COPZ1: variants seen among roughly 807,000 people sequenced by gnomAD.
COPZ1 encodes the protein coatomer subunit zeta-1.
COPZ1 carries 4 observed loss-of-function variants against 31.7 expected under a neutral mutation model. The observed-to-expected ratio is 0.13, with a 90% CI of 0.06 to 0.29. The LOEUF is 0.29. Among genes scored for constraint, COPZ1 ranks in the 10% least tolerant of loss-of-function variants. The pLI is 1.00. For synonymous variants in COPZ1, 74 were observed against 79.0 expected, an observed-to-expected ratio of 0.94 and a Z score of 0.33; for missense variants, 156 against 211.5, an observed-to-expected ratio of 0.74 and a Z score of 1.63.
chr12:54,337,877 A>G (rs867994035), intron 1 of COPZ1, among the ~76,000 whole-genome samples: 4 of 152,078 alleles, frequency 2.6e-5, no homozygotes, highest in African/African-American at 7.2e-5. Flanking sequence ...GGAAGATCCA[A>G]TGTTTCTATT....
intron 1 of COPZ1, among the ~76,000 whole-genome samples, chr12:54,327,659 G>A (rs1953678711): frequency 6.6e-6 from 1 of 152,106 alleles, no homozygotes; most frequent in Non-Finnish European, 1.5e-5. Context: ...AGCACTGTAA[G>A]AGGCTGAGGC....
intron 1 of COPZ1, among the ~76,000 whole-genome samples, chr12:54,329,006 T>C (rs1245103210): frequency 6.6e-6 from 1 of 152,214 alleles, no homozygotes; most frequent in Non-Finnish European, 1.5e-5. Context: ...CATTTCTTTC[T>C]TGAATTAAGT....
chr12:54,348,878 A>G (rs557783861), intron 7 of COPZ1, among the ~76,000 whole-genome samples: 67 of 152,346 alleles, frequency 4.4e-4, no homozygotes, highest in African/African-American at 1.5e-3. Flanking sequence ...TGAGTTAACC[A>G]TAGAAGGCCC....
chr12:54,335,697 G>A (rs370958360), intron 1 of COPZ1, among the ~76,000 whole-genome samples: 2 of 148,508 alleles, frequency 1.3e-5, no homozygotes, highest in East Asian at 2.0e-4. Context: ...TTTTTGAGGC[G>A]GTCTCACTCT....
intron 1 of COPZ1, among the ~76,000 whole-genome samples, chr12:54,334,163 G>T (rs1953811580): frequency 6.6e-6 from 1 of 151,948 alleles, no homozygotes; most frequent in South Asian, 2.1e-4. Context: ...GGAGGTCAAG[G>T]TGGGCAGATC....
intron 1 of COPZ1, among the ~76,000 whole-genome samples, chr12:54,330,962 C>G (rs1953739566): frequency 6.6e-6 from 1 of 152,148 alleles, no homozygotes; most frequent in African/African-American, 2.4e-5. Flanking sequence ...GGCCCTCTCA[C>G]ATTCTGTCCC....
At chr12:54,331,324 G>GC (rs1953750216) in intron 1 of COPZ1, among the ~76,000 whole-genome samples, 1 of 151,816 alleles carries the variant, frequency 6.6e-6, no homozygotes, top group South Asian at 2.1e-4. Context: ...GGGATTACAG[G>GC]CCCCCACCAC....
intron 1 of COPZ1, chr12:54,325,820 T>TC: frequency 6.6e-6 from 1 of 150,458 alleles, no homozygotes; most frequent in East Asian, 1.9e-4. Flanking sequence ...TTCTTTTTTT[T>TC]TTTTTTTTTT....
At chr12:54,329,515 C>T (rs1301070056) in intron 1 of COPZ1, among the ~76,000 whole-genome samples, 3 of 152,012 alleles carry the variant, frequency 2.0e-5, no homozygotes, top group African/African-American at 7.2e-5. Flanking sequence ...ACCTGGGAGG[C>T]GGAGGTTGCA....
chr12:54,341,707 A>G (rs1406076775), intron 2 of COPZ1, among the ~76,000 whole-genome samples: 1 of 152,212 alleles, frequency 6.6e-6, no homozygotes, highest in African/African-American at 2.4e-5. Flanking sequence ...AGCTTGCAGA[A>G]AAGAAAGCTA....
chr12:54,341,823 T>C (rs1165333070), intron 2 of COPZ1, among the ~76,000 whole-genome samples: 2 of 152,182 alleles, frequency 1.3e-5, no homozygotes, highest in Non-Finnish European at 2.9e-5. Flanking sequence ...AAGTGTTCTG[T>C]GCTTCTAGTG....
At position 54,342,297 on chromosome 12, in the gene COPZ1, T is replaced by C. The variant is rs375136435; in HGVS notation, c.169+10T>C. 8.8e-5 allele frequency: 142 copies of C among 1,607,774 alleles called. No individual in the cohort carries two copies. In the African/African-American group the frequency reaches 1.8e-3, roughly 20 times the overall value. ...ACCCATCGGACTGACAGTAGGTCAT[T>C]TTCCTTTCACTACTACCCGTGCTGG... is the stretch of plus-strand genomic sequence containing the variant. On this transcript the variant is annotated intron_variant, in intron 3 of 8. Coordinates refer to ENST00000262061, the MANE Select transcript of COPZ1 (RefSeq NM_016057.3).
intron 5 of COPZ1, 98 bp from the exon 6 acceptor site, chr12:54,347,669 G>A (rs1002764246): frequency 1.9e-5 from 20 of 1,028,126 alleles, no homozygotes; most frequent in Admixed American, 2.8e-5. Flanking sequence ...TGGTGGAGAT[G>A]TTTATTGGTC....
At chr12:54,342,968 C>T (rs1954001026) in intron 3 of COPZ1, among the ~76,000 whole-genome samples, 2 of 151,150 alleles carry the variant, frequency 1.3e-5, no homozygotes. Flanking sequence ...GTGGTTCTCC[C>T]ATCTCACCCT....
intron 1 of COPZ1, among the ~76,000 whole-genome samples, chr12:54,327,130 G>A (rs568948686): frequency 1.3e-5 from 2 of 150,370 alleles, no homozygotes; most frequent in East Asian, 3.9e-4. Context: ...ACAGGCACGC[G>A]CCACCATGCC....
intron 1 of COPZ1, among the ~76,000 whole-genome samples, chr12:54,335,412 G>T (rs1231867355): frequency 3.5e-5 from 5 of 142,646 alleles, no homozygotes; most frequent in South Asian, 2.2e-4. Context: ...CTTAGGGAAT[G>T]TTTTTTTTTT....
rs60827109 is a variant in COPZ1 at position 54,326,961 on chromosome 12, C to CTTTTTTTTTT, written c.18+1808_18+1817dup. 2.0e-3 allele frequency among the ~76,000 whole-genome samples: 85 copies of CTTTTTTTTTT among 43,560 alleles called. 30 individuals carry two copies. Among genetic ancestry groups the CTTTTTTTTTT allele is most frequent in the Non-Finnish European group, 2.4e-3 (54 of 22,526 alleles). The allele number at this position is 43,560 out of a possible 152,430, so 28.6% of individuals were successfully genotyped here. A position where few individuals can be genotyped will look rare whatever the true frequency, so the allele number is the denominator to read the frequency against. On this transcript the variant is annotated intron_variant, in intron 1 of 8. Coordinates refer to ENST00000262061, the MANE Select transcript of COPZ1 (RefSeq NM_016057.3). ...CTGTACCAAGCAGTTAACAAGTATT[C>CTTTTTTTTTT]TTTTTTTTTTTTTTTTTTTTTTTTT...
In COPZ1 at chr12:54,340,538, T is replaced by C; in HGVS notation, c.19-9T>C. On this transcript the variant is annotated splice_polypyrimidine_tract_variant and intron_variant, in intron 1 of 8. Coordinates refer to ENST00000262061, the MANE Select transcript of COPZ1 (RefSeq NM_016057.3). ...CTTCAGGACTGAAGGTATGTTCGTA[T>C]CTCTTCAGGAACCTTCCCTGTATAC... The C allele has an allele frequency of 6.2e-7, 1 of 1,613,966 alleles. No individual in the cohort carries two copies. Among genetic ancestry groups the C allele is most frequent in the Non-Finnish European group, 8.5e-7 (1 of 1,179,948 alleles).
chr12:54,345,126 C>G (rs1285793527), intron 4 of COPZ1: 4 of 217,328 alleles, frequency 1.8e-5, no homozygotes, highest in African/African-American at 9.2e-5. Context: ...AAGCCTTCCT[C>G]TGACCTCAGC....
Sources: gnomAD v4.1 joint callset for allele counts (sites outside exome capture counted in the v4.1 genomes callset) on GRCh38, gnomAD v4.1.1 for gene constraint, MANE v1.5 for transcripts, NCBI Gene and HGNC (gene_info 2026-07-23, HGNC 2026-07-21) for gene names.